TMEM39B: variants seen among roughly 807,000 people sequenced by gnomAD.
The protein encoded by TMEM39B is transmembrane protein 39B.
In TMEM39B, 23 loss-of-function variants were observed where a neutral mutation model predicts 52.2. That is an observed-to-expected ratio of 0.44 (90% CI 0.32 to 0.62). The LOEUF (loss-of-function observed/expected upper bound fraction) is 0.62, where lower values mean the gene tolerates loss of function less well. TMEM39B is among the 20% of genes least tolerant of loss of function. The probability of loss-of-function intolerance (pLI) is 0.06; values close to 1 mark genes in which losing one functional copy is unlikely to be tolerated. For missense variants in TMEM39B, 547 were observed against 642.0 expected (o/e 0.85, Z 1.60); for synonymous variants, 285 against 264.0 (o/e 1.08, Z -0.77).
chr1:32,100,847 A>G (rs1640995455), intron 8 of TMEM39B: 3 of 369,874 alleles, frequency 8.1e-6, no homozygotes, highest in Non-Finnish European at 1.5e-5. Flanking sequence ...CCTGGTCAAC[A>G]TGGTGAAACC....
chr1:32,091,438 C>T (rs1036220813), intron 5 of TMEM39B, among the ~76,000 whole-genome samples: 3 of 152,164 alleles, frequency 2.0e-5, no homozygotes, highest in Non-Finnish European at 4.4e-5. Context: ...CTACTGTAGC[C>T]CCAGTGTCAG....
chr1:32,101,806 C>G (rs1641028553), intron 8 of TMEM39B, among the ~76,000 whole-genome samples: 1 of 152,140 alleles, frequency 6.6e-6, no homozygotes, highest in Non-Finnish European at 1.5e-5. Context: ...AATCAAAATC[C>G]CTAGACACTG....
chr1:32,073,684 G>A, intron 1 of TMEM39B: 3 of 985,532 alleles, frequency 3.0e-6, no homozygotes, highest in Non-Finnish European at 3.6e-6. Flanking sequence ...TATGAACAGA[G>A]CTTCTGGTCT....
At chr1:32,078,712 C>G (rs1223445077) in intron 5 of TMEM39B, among the ~76,000 whole-genome samples, 1 of 149,996 alleles carries the variant, frequency 6.7e-6, no homozygotes, top group East Asian at 2.0e-4. Context: ...ACGATCTCGG[C>G]TCACTGCAAC....
chr1:32,092,279 C>T (rs1228533076), intron 6 of TMEM39B, among the ~76,000 whole-genome samples: 1 of 152,146 alleles, frequency 6.6e-6, no homozygotes, highest in Non-Finnish European at 1.5e-5. Context: ...GTCTCAGCCT[C>T]TTGAGTAGCT....
intron 5 of TMEM39B, among the ~76,000 whole-genome samples, chr1:32,089,421 C>T (rs1488349653): frequency 1.3e-5 from 2 of 151,908 alleles, no homozygotes; most frequent in African/African-American, 2.4e-5. Flanking sequence ...TTTGAACCAC[C>T]ACACCCAGCC....
chr1:32,089,921 CG>C (rs1032088385), intron 5 of TMEM39B, among the ~76,000 whole-genome samples: 2 of 151,288 alleles, frequency 1.3e-5, no homozygotes, highest in Non-Finnish European at 3.0e-5. Flanking sequence ...CCCAGCTGCT[CG>C]GGAGACTGAG....
At chr1:32,091,604 C>A in intron 5 of TMEM39B, 71 bp from the exon 6 acceptor site, 1 of 1,485,148 alleles carries the variant, frequency 6.7e-7, no homozygotes, top group Non-Finnish European at 9.1e-7. Flanking sequence ...GAAAGAAGAT[C>A]CCCTCAGTGG....
intron 5 of TMEM39B, among the ~76,000 whole-genome samples, chr1:32,081,443 T>C (rs1343714429): frequency 6.6e-6 from 1 of 151,986 alleles, no homozygotes; most frequent in African/African-American, 2.4e-5. Flanking sequence ...AGCCTGCTTA[T>C]TCTTTTTAAA....
intron 8 of TMEM39B, among the ~76,000 whole-genome samples, chr1:32,102,147 A>T (rs1428778758): frequency 6.6e-6 from 1 of 152,110 alleles, no homozygotes; most frequent in Admixed American, 6.6e-5. Context: ...AGAGTTTGAG[A>T]GAGCAAGCAG....
At chr1:32,090,495 G>A (rs567237737) in intron 5 of TMEM39B, among the ~76,000 whole-genome samples, 5 of 151,864 alleles carry the variant, frequency 3.3e-5, no homozygotes, top group Admixed American at 2.0e-4. Context: ...TACTCTGCCC[G>A]GCCAGAGTGC....
At chr1:32,098,895 T>C (rs1640913671) in intron 7 of TMEM39B, among the ~76,000 whole-genome samples, 1 of 152,072 alleles carries the variant, frequency 6.6e-6, no homozygotes, top group Non-Finnish European at 1.5e-5. Context: ...AGATGGGAAA[T>C]AAATAGATGA....
chr1:32,090,432 C>G (rs1640556869), intron 5 of TMEM39B, among the ~76,000 whole-genome samples: 1 of 152,012 alleles, frequency 6.6e-6, no homozygotes. Context: ...CATAACAACT[C>G]ATTACTTATA....
intron 5 of TMEM39B, 148 bp from the exon 6 acceptor site, chr1:32,091,527 G>T (rs1175739166): frequency 9.6e-6 from 8 of 829,850 alleles, no homozygotes; most frequent in Non-Finnish European, 1.3e-5. Context: ...TGGATGGTAG[G>T]GTGGATGGAT....
chr1:32,084,609 G>A (rs1167893355), intron 5 of TMEM39B, among the ~76,000 whole-genome samples: 4 of 151,558 alleles, frequency 2.6e-5, no homozygotes, highest in Admixed American at 6.6e-5. Context: ...TCGCTCTGTC[G>A]CCCAGGGTGG....
chr1:32,102,805 G>A lies in TMEM39B; in HGVS notation c.*132G>A, dbSNP rs190996183. 50 of 1,073,218 alleles carry A rather than the reference G, an allele frequency of 4.7e-5. No individual in the cohort carries two copies. The highest frequency in any genetic ancestry group is 1.7e-4 in the Admixed American group (5 of 29,190). 66.5% of individuals were successfully genotyped at this position (1,073,218 alleles called of 1,614,324 possible). A position where few individuals can be genotyped will look rare whatever the true frequency, so the allele number is the denominator to read the frequency against. On this transcript the variant is annotated 3_prime_UTR_variant, in exon 9 of 9. Coordinates refer to ENST00000336294, the MANE Select transcript of TMEM39B (RefSeq NM_018056.4). ...CACCAGAGCTTTGTATTTTTGTTAC[G>A]TACTGTTTCTTTGATAATTGATGTG...
intron 6 of TMEM39B, among the ~76,000 whole-genome samples, chr1:32,092,317 C>A (rs1443073777): frequency 1.3e-5 from 2 of 151,946 alleles, no homozygotes; most frequent in East Asian, 3.9e-4. Context: ...CTACCATGCC[C>A]AACTAATTTT....
chr1:32,093,601 G>A (rs1323488465), intron 6 of TMEM39B, among the ~76,000 whole-genome samples: 1 of 149,870 alleles, frequency 6.7e-6, no homozygotes, highest in Admixed American at 6.7e-5. Context: ...TAGTAGAGAC[G>A]GGGTTTCGCT....
chr1:32,100,685 C>A, intron 8 of TMEM39B, 123 bp downstream of exon 8: 1 of 1,323,998 alleles, frequency 7.6e-7, no homozygotes, highest in Non-Finnish European at 1.1e-6. Flanking sequence ...CAAAGGAAGA[C>A]AGTGCACACA....
Sources: allele counts gnomAD v4.1 joint callset (sites outside exome capture counted in the v4.1 genomes callset), GRCh38; gene constraint gnomAD v4.1.1; transcripts MANE v1.5; gene names NCBI Gene and HGNC (gene_info 2026-07-23, HGNC 2026-07-21).